The following PDZD2 variants were observed in gnomAD, a reference collection of about 807,000 sequenced individuals.
The protein encoded by PDZD2 is PDZ domain-containing protein 2.
PDZD2 carries 90 observed loss-of-function variants against 220.7 expected under a neutral mutation model. The observed-to-expected ratio is 0.41, with a 90% CI of 0.34 to 0.49. The LOEUF (loss-of-function observed/expected upper bound fraction) is 0.49. Ranked by LOEUF, PDZD2 falls within the 20% of genes least tolerant of loss-of-function variation. The pLI is 0.28. For synonymous variants in PDZD2, 1,375 were observed against 1,450.5 expected (o/e 0.95, Z 1.18); for missense variants, 3,174 against 3,608.5 (o/e 0.88, Z 3.08).
At chr5:32,032,552 C>T (rs887153187) in intron 6 of PDZD2, among the ~76,000 whole-genome samples, 1 of 152,210 alleles carries the variant, frequency 6.6e-6, no homozygotes, top group Non-Finnish European at 1.5e-5. Context: ...TCAGCTTTCT[C>T]AAGTCAGATC....
At chr5:31,883,935 G>A (rs1044060661) in intron 2 of PDZD2, among the ~76,000 whole-genome samples, 11 of 152,246 alleles carry the variant, frequency 7.2e-5, no homozygotes, top group African/African-American at 2.4e-4. Flanking sequence ...TGTTAAGGCC[G>A]GGCGCGGTGG....
chr5:31,945,208 G>C (rs1746532867), intron 2 of PDZD2, among the ~76,000 whole-genome samples: 1 of 152,150 alleles, frequency 6.6e-6, no homozygotes, highest in African/African-American at 2.4e-5. Context: ...TTTTGGCCTT[G>C]GTCAAACCAC....
chr5:32,014,621 C>A (rs777335613), intron 6 of PDZD2, among the ~76,000 whole-genome samples: 39 of 149,836 alleles, frequency 2.6e-4, no homozygotes, highest in Non-Finnish European at 4.8e-4. Flanking sequence ...CTAGCCCTTC[C>A]CCCATACCAC....
At chr5:31,891,415 A>G (rs543961571) in intron 2 of PDZD2, among the ~76,000 whole-genome samples, 73 of 152,180 alleles carry the variant, frequency 4.8e-4, no homozygotes, top group African/African-American at 1.6e-3. Flanking sequence ...TCCCAGGTTC[A>G]AGTGATTCTC....
chr5:31,863,580 T>C (rs534686168), intron 2 of PDZD2, among the ~76,000 whole-genome samples: 61 of 152,292 alleles, frequency 4.0e-4, no homozygotes, highest in African/African-American at 1.5e-3. Context: ...AAAAATGCAT[T>C]AGGGTGCAAA....
At chr5:31,755,288 C>A (rs1300061877) in intron 1 of PDZD2, among the ~76,000 whole-genome samples, 1 of 151,964 alleles carries the variant, frequency 6.6e-6, no homozygotes, top group Non-Finnish European at 1.5e-5. Flanking sequence ...TGGATGGGAG[C>A]AAATTATAAC....
At chr5:31,873,581 A>ATTT (rs1739030485) in intron 2 of PDZD2, among the ~76,000 whole-genome samples, 1 of 151,082 alleles carries the variant, frequency 6.6e-6, no homozygotes, top group Non-Finnish European at 1.5e-5. Context: ...TTATTTATTT[A>ATTT]ATAAAGCCAG....
At chr5:31,903,539 C>A (rs1369597047) in intron 2 of PDZD2, among the ~76,000 whole-genome samples, 1 of 149,334 alleles carries the variant, frequency 6.7e-6, no homozygotes, top group Admixed American at 6.7e-5. Context: ...CCCCAGCTAC[C>A]CAGGAAGCTG....
intron 1 of PDZD2, among the ~76,000 whole-genome samples, chr5:31,708,918 C>T (rs1462424030): frequency 4.6e-5 from 7 of 151,060 alleles, no homozygotes; most frequent in African/African-American, 1.5e-4. Context: ...GATGGAGTCT[C>T]ACTCTGTCGC....
rs554238157 is a variant in PDZD2 at position 31,648,218 on chromosome 5, A to G, written c.-361+8781A>G. 3.9e-5 allele frequency among the ~76,000 whole-genome samples: 6 copies of G among 152,128 alleles called. No homozygotes were observed. In the East Asian group the frequency reaches 5.8e-4, roughly 15 times the overall value. ...CCATTTATGCACTTCTGCCTTCCAA[A>G]TTTATGTCCATAGCCTTGATTTCTC... On this transcript the variant is annotated intron_variant, in intron 1 of 24. Transcript: ENST00000438447.
chr5:31,982,513 A>G (rs1282211159), intron 2 of PDZD2, among the ~76,000 whole-genome samples: 1 of 151,998 alleles, frequency 6.6e-6, no homozygotes, highest in Non-Finnish European at 1.5e-5. Flanking sequence ...TCGCTATGTT[A>G]CCCAAGCTGG....
intron 2 of PDZD2, among the ~76,000 whole-genome samples, chr5:31,854,378 T>C (rs889065778): frequency 5.3e-5 from 8 of 152,122 alleles, no homozygotes; most frequent in Non-Finnish European, 1.0e-4. Context: ...ATAAAGGAAA[T>C]GCTTCAGTCG....
chr5:31,673,855 C>T (rs1746305655), intron 1 of PDZD2, among the ~76,000 whole-genome samples: 1 of 152,118 alleles, frequency 6.6e-6, no homozygotes, highest in South Asian at 2.1e-4. Context: ...CCTGTAATCC[C>T]AGCTACTCGG....
chr5:32,088,830 T>C lies in PDZD2; in HGVS notation c.5382T>C (p.Ala1794=), dbSNP rs770400530. ...DDLLQKPKMI[A]RRPIMAWFKE... Reference sequence around the variant, plus strand: ...TGCTACAGAAACCAAAAATGATCGCTAGGAGGCCCATCATGGCCTGGTTTA... The same window carrying C: ...TGCTACAGAAACCAAAAATGATCGCCAGGAGGCCCATCATGGCCTGGTTTA... The change falls in exon 20 of 25, where the codon GCT becomes GCC. Residue 1794 remains alanine (A), a synonymous_variant. Coordinates refer to ENST00000438447, the MANE Select transcript of PDZD2 (RefSeq NM_178140.4). The surrounding 1 kb of genome is among the most constrained non-coding windows in gnomAD (Gnocchi z 4.6). 8 of 1,613,844 alleles carry C rather than the reference T, an allele frequency of 5.0e-6. No homozygotes were observed. The Admixed American group carries it at 6.7e-5, about 13-fold the overall frequency.
Position 31,922,771 on chromosome 5 carries a change from C to T in PDZD2, c.477-60384C>T, listed in dbSNP as rs968102700. Among the ~76,000 whole-genome samples, 14 of 152,220 alleles carry T rather than the reference C, an allele frequency of 9.2e-5. No homozygotes were observed. The East Asian group carries it at 2.7e-3, about 30-fold the overall frequency. On this transcript the variant is annotated intron_variant, in intron 2 of 24. Coordinates refer to ENST00000438447, the MANE Select transcript of PDZD2 (RefSeq NM_178140.4). ...GTAACCTCTGCCCCGCCCCCCCCTC[C>T]GGGCTCAAGTGACTCTCCTGCCTCA... is the stretch of plus-strand genomic sequence containing the variant.
chr5:31,901,304 C>T (rs1357962956), intron 2 of PDZD2, among the ~76,000 whole-genome samples: 1 of 151,850 alleles, frequency 6.6e-6, no homozygotes, highest in African/African-American at 2.4e-5. Flanking sequence ...TGTAATCCCA[C>T]CTACCCAGGA....
At chr5:31,737,105 C>T (rs1005545270) in intron 1 of PDZD2, among the ~76,000 whole-genome samples, 4 of 151,844 alleles carry the variant, frequency 2.6e-5, no homozygotes. Context: ...CTAATATGCC[C>T]ACTTACACCT....
intron 2 of PDZD2, among the ~76,000 whole-genome samples, chr5:31,827,936 T>A (rs1756329961): frequency 6.6e-6 from 1 of 152,202 alleles, no homozygotes; most frequent in African/African-American, 2.4e-5. Context: ...TCTGTTCCTA[T>A]AGATTTACCT....
At chr5:32,005,513 A>G (rs1752727392) in intron 5 of PDZD2, among the ~76,000 whole-genome samples, 1 of 141,572 alleles carries the variant, frequency 7.1e-6, no homozygotes, top group Admixed American at 7.2e-5. Context: ...ATTGTATCAA[A>G]TGTAGACAAC....
Sources: gnomAD v4.1 joint callset for allele counts (sites outside exome capture counted in the v4.1 genomes callset) on GRCh38, gnomAD v4.1.1 for gene constraint, Gnocchi (gnomAD v3.1) non-coding constraint, MANE v1.5 for transcripts, NCBI Gene and HGNC (gene_info 2026-07-23, HGNC 2026-07-21) for gene names.